Variants in HS3ST5 observed in about 807,000 individuals in gnomAD.
HS3ST5 encodes heparan sulfate-glucosamine 3-sulfotransferase 5, also known as heparan sulfate glucosamine 3-O-sulfotransferase 5.
In HS3ST5, 10 loss-of-function variants were observed where a neutral mutation model predicts 25.4. The observed-to-expected ratio is 0.39, with a 90% confidence interval of 0.24 to 0.67. The LOEUF is 0.67. HS3ST5 is among the 30% of genes least tolerant of loss of function. HS3ST5 has a pLI of 0.44. For synonymous variants in HS3ST5, 170 were observed against 162.4 expected, an observed-to-expected ratio of 1.05 and a Z score of -0.36; for missense variants, 324 against 420.7, an observed-to-expected ratio of 0.77 and a Z score of 2.01.
At chr6:114,079,923 G>A (rs1022300845) in intron 3 of HS3ST5, among the ~76,000 whole-genome samples, 1 of 152,036 alleles carries the variant, frequency 6.6e-6, no homozygotes, top group Non-Finnish European at 1.5e-5. Context: ...TTACAGGCAT[G>A]TGCCACCATG....
Position 114,183,991 on chromosome 6 carries a change from C to A in HS3ST5, c.-144-15529G>T, listed in dbSNP as rs143678398. On this transcript the variant is annotated intron_variant, in intron 2 of 4. Coordinates refer to ENST00000312719, the MANE Select transcript of HS3ST5 (RefSeq NM_153612.4). The stretch of plus-strand genomic sequence containing the variant: ...AGTGCCTTGTGGAAGGTAGAATTTG[C>A]AAGTAATGAAATAGGATATTTATAG... Among the ~76,000 whole-genome samples the A allele has an allele frequency of 5.2e-3, 779 of 150,468 alleles. 5 individuals are homozygous for A. Among genetic ancestry groups the A allele is most frequent in the African/African-American group, 0.018 (747 of 40,900 alleles).
intron 3 of HS3ST5, chr6:114,142,783 A>G (rs1777974098): frequency 6.6e-6 from 1 of 152,198 alleles, no homozygotes; most frequent in Non-Finnish European, 1.5e-5. Flanking sequence ...CTATCCATTT[A>G]TAGGGGATAG....
chr6:114,120,754 C>T (rs1776748215), intron 3 of HS3ST5, among the ~76,000 whole-genome samples: 1 of 152,078 alleles, frequency 6.6e-6, no homozygotes, highest in African/African-American at 2.4e-5. Context: ...ATAACAAAAT[C>T]CTCTCTAAAA....
At chr6:114,306,398 T>C (rs963901174) in intron 1 of HS3ST5, among the ~76,000 whole-genome samples, 9 of 150,526 alleles carry the variant, frequency 6.0e-5, no homozygotes, top group African/African-American at 2.2e-4. Context: ...TACATATATA[T>C]AATCTATAAG....
In HS3ST5 at chr6:114,281,537, A is replaced by G. The variant is rs1306093107; in HGVS notation, c.-338-52759T>C. 3.3e-5 allele frequency among the ~76,000 whole-genome samples: 5 copies of G among 152,148 alleles called. No individual in the cohort carries two copies. In the East Asian group the frequency reaches 7.8e-4, roughly 24 times the overall value. ...CTATTTTCCAATCACCTGTGGCCAC[A>G]TGGAAAACAGCTCACCACTACACTG... On this transcript the variant is annotated intron_variant, in intron 1 of 4. Coordinates refer to ENST00000312719, the MANE Select transcript of HS3ST5 (RefSeq NM_153612.4).
chr6:114,165,421 C>T (rs1482884917), intron 3 of HS3ST5, among the ~76,000 whole-genome samples: 1 of 152,172 alleles, frequency 6.6e-6, no homozygotes, highest in Non-Finnish European at 1.5e-5. Flanking sequence ...CATTTTATTA[C>T]TTCCACTTCT....
At chr6:114,202,000 A>G (rs1781037990) in intron 2 of HS3ST5, among the ~76,000 whole-genome samples, 1 of 152,116 alleles carries the variant, frequency 6.6e-6, no homozygotes, top group East Asian at 1.9e-4. Flanking sequence ...GGTCTCTCCC[A>G]TGACACATGG....
intron 2 of HS3ST5, among the ~76,000 whole-genome samples, chr6:114,170,958 G>A (rs531339669): frequency 6.1e-4 from 93 of 152,194 alleles, no homozygotes; most frequent in Non-Finnish European, 1.2e-3. Flanking sequence ...TAGCAGGATC[G>A]ATTTGCATCT....
At chr6:114,147,632 G>A (rs527510985) in intron 3 of HS3ST5, among the ~76,000 whole-genome samples, 1 of 152,176 alleles carries the variant, frequency 6.6e-6, no homozygotes, top group African/African-American at 2.4e-5. Context: ...CCAGGCTGGA[G>A]TACAGTGGCA....
intron 3 of HS3ST5, chr6:114,143,042 C>A (rs1351543076): frequency 6.6e-6 from 1 of 152,208 alleles, no homozygotes; most frequent in Non-Finnish European, 1.5e-5. Context: ...CACGCTCTCT[C>A]TTTTCCCTTT....
chr6:114,102,267 G>GCA (rs1295906399), intron 3 of HS3ST5, among the ~76,000 whole-genome samples: 4 of 152,152 alleles, frequency 2.6e-5, no homozygotes, highest in Non-Finnish European at 5.9e-5. Context: ...ATATGTTACT[G>GCA]CACTCCTGGC....
intron 3 of HS3ST5, among the ~76,000 whole-genome samples, chr6:114,064,083 A>G (rs1773308600): frequency 1.3e-5 from 2 of 151,898 alleles, no homozygotes; most frequent in Admixed American, 6.6e-5. Context: ...TCAAGATAAG[A>G]TTGTTTGCCT....
intron 3 of HS3ST5, among the ~76,000 whole-genome samples, chr6:114,066,659 C>A (rs937172622): frequency 1.3e-5 from 2 of 151,792 alleles, no homozygotes; most frequent in Non-Finnish European, 2.9e-5. Flanking sequence ...ATAAAAAAAA[C>A]AACAAAAAAA....
chr6:114,200,674 C>T (rs539488379), intron 2 of HS3ST5, among the ~76,000 whole-genome samples: 4 of 152,060 alleles, frequency 2.6e-5, no homozygotes, highest in African/African-American at 9.6e-5. Context: ...AAACTGTGCA[C>T]ATTTTGAGAA....
intron 3 of HS3ST5, among the ~76,000 whole-genome samples, chr6:114,091,449 G>T (rs550616733): frequency 6.6e-6 from 1 of 152,012 alleles, no homozygotes; most frequent in African/African-American, 2.4e-5. Context: ...AAGCCGAGGC[G>T]GGCAGATCAC....
intron 1 of HS3ST5, among the ~76,000 whole-genome samples, chr6:114,326,079 G>A (rs1776161696): frequency 6.6e-6 from 1 of 151,436 alleles, no homozygotes. Flanking sequence ...TGAAGCCAGA[G>A]GACTGTGTTT....
chr6:114,279,260 T>C (rs934534238), intron 1 of HS3ST5, among the ~76,000 whole-genome samples: 2 of 152,050 alleles, frequency 1.3e-5, no homozygotes, highest in African/African-American at 4.8e-5. Flanking sequence ...AGCAAGTATA[T>C]GCAATGTTAC....
At chr6:114,252,847 T>A (rs1772726441) in intron 1 of HS3ST5, among the ~76,000 whole-genome samples, 1 of 152,184 alleles carries the variant, frequency 6.6e-6, no homozygotes, top group Admixed American at 6.6e-5. Flanking sequence ...ATAATGCAAG[T>A]GAGCCACATA....
chr6:114,118,973 T>A lies in HS3ST5; in HGVS notation c.-33+49378A>T, dbSNP rs1373675921. ...GAACACAGGAGTACCCAAGCCATGA[T>A]GGATATGTAGCATGAGAAAGAGAAA... On this transcript the variant is annotated intron_variant, in intron 3 of 4. Coordinates refer to ENST00000312719, the MANE Select transcript of HS3ST5 (RefSeq NM_153612.4). Among the ~76,000 whole-genome samples the A allele has an allele frequency of 3.9e-5, 6 of 152,228 alleles. No individual in the cohort carries two copies. In the East Asian group the frequency reaches 9.6e-4, roughly 24 times the overall value.
Sources: gnomAD v4.1 joint callset for allele counts (sites outside exome capture counted in the v4.1 genomes callset) on GRCh38, gnomAD v4.1.1 for gene constraint, MANE v1.5 for transcripts, NCBI Gene and HGNC (gene_info 2026-07-23, HGNC 2026-07-21) for gene names.